The following SSBP2 variants were observed in gnomAD, a reference collection of about 807,000 sequenced individuals.
SSBP2 encodes single stranded DNA binding protein 2.
Under a neutral mutation model 61.8 loss-of-function variants are expected in SSBP2, and 17 were observed. The ratio of observed to expected loss-of-function variants is 0.28; its 90% CI spans 0.19 to 0.41. SSBP2 has a LOEUF of 0.41. SSBP2 is among the 10% of genes least tolerant of loss of function. The pLI is 1.00. For synonymous variants in SSBP2, 139 were observed against 141.3 expected (o/e 0.98, Z 0.12); for missense variants, 310 against 458.7 (o/e 0.68, Z 2.96).
intron 4 of SSBP2, among the ~76,000 whole-genome samples, chr5:81,609,516 A>T (rs1227077193): frequency 6.6e-6 from 1 of 152,218 alleles, no homozygotes; most frequent in African/African-American, 2.4e-5. Context: ...AGAAATTTTT[A>T]TAAATCTTTG....
chr5:81,689,908 G>A (rs1753082514), intron 1 of SSBP2, among the ~76,000 whole-genome samples: 1 of 152,020 alleles, frequency 6.6e-6, no homozygotes, highest in Non-Finnish European at 1.5e-5. Context: ...TCAAGATGTA[G>A]ACAGTACAAT....
At chr5:81,538,855 T>C (rs1035424437) in intron 4 of SSBP2, among the ~76,000 whole-genome samples, 1 of 152,216 alleles carries the variant, frequency 6.6e-6, no homozygotes, top group Non-Finnish European at 1.5e-5. Flanking sequence ...TCCTCTGCTG[T>C]TCATTGACAA....
At chr5:81,457,110 G>A (rs1764216006) in intron 10 of SSBP2, among the ~76,000 whole-genome samples, 1 of 152,136 alleles carries the variant, frequency 6.6e-6, no homozygotes, top group South Asian at 2.1e-4. Flanking sequence ...CCCAGTTAAA[G>A]AACCCCAAGC....
intron 2 of SSBP2, among the ~76,000 whole-genome samples, chr5:81,646,425 G>C (rs1296594861): frequency 6.6e-6 from 1 of 152,002 alleles, no homozygotes; most frequent in Non-Finnish European, 1.5e-5. Context: ...GAACTATTTT[G>C]ATTTAGGTAA....
chr5:81,513,406 T>C (rs1278433389), intron 5 of SSBP2, among the ~76,000 whole-genome samples: 1 of 152,062 alleles, frequency 6.6e-6, no homozygotes, highest in Non-Finnish European at 1.5e-5. Flanking sequence ...TCTTTCTTAA[T>C]TGAGCAACAA....
intron 1 of SSBP2, among the ~76,000 whole-genome samples, chr5:81,730,363 T>G (rs940316586): frequency 6.6e-6 from 1 of 152,190 alleles, no homozygotes; most frequent in Non-Finnish European, 1.5e-5. Flanking sequence ...TAGCTGGGAT[T>G]ACAGGCGCCC....
chr5:81,551,987 G>C (rs554726990), intron 4 of SSBP2, among the ~76,000 whole-genome samples: 2 of 152,104 alleles, frequency 1.3e-5, no homozygotes, highest in African/African-American at 4.8e-5. Flanking sequence ...ATCATAAAAG[G>C]TATCAGTGTA....
intron 4 of SSBP2, among the ~76,000 whole-genome samples, chr5:81,515,155 TACA>T (rs1055642123): frequency 6.6e-5 from 10 of 151,950 alleles, no homozygotes; most frequent in Non-Finnish European, 1.3e-4. Context: ...AAAATTTTAA[TACA>T]ACAATGTTAC....
At chr5:81,745,216 TCTAA>T (rs1757278723) in intron 1 of SSBP2, among the ~76,000 whole-genome samples, 1 of 152,192 alleles carries the variant, frequency 6.6e-6, no homozygotes, top group Non-Finnish European at 1.5e-5. Flanking sequence ...CTGCTATTTC[TCTAA>T]CTACTGAAAA....
chr5:81,478,769 C>T (rs1765769457), intron 6 of SSBP2, among the ~76,000 whole-genome samples: 3 of 152,142 alleles, frequency 2.0e-5, no homozygotes, highest in African/African-American at 7.2e-5. Context: ...CCATGCCTGG[C>T]CAGATTCTTG....
intron 15 of SSBP2, among the ~76,000 whole-genome samples, chr5:81,429,777 ATGAG>A (rs1226777661): frequency 6.6e-6 from 1 of 152,140 alleles, no homozygotes; most frequent in Non-Finnish European, 1.5e-5. Context: ...CATTTCATGA[ATGAG>A]TTATTCCCAG....
At chr5:81,505,178 A>T (rs1768086223) in intron 5 of SSBP2, among the ~76,000 whole-genome samples, 1 of 152,176 alleles carries the variant, frequency 6.6e-6, no homozygotes, top group Non-Finnish European at 1.5e-5. Flanking sequence ...AGTTTTACTG[A>T]AACACAGCCA....
At position 81,496,616 on chromosome 5, in the gene SSBP2, A is replaced by G. The variant is rs368655083; in HGVS notation, c.373-7307T>C. Among the ~76,000 whole-genome samples the G allele has an allele frequency of 2.0e-4, 30 of 152,314 alleles. No homozygotes were observed. The East Asian group carries it at 4.0e-3, about 21-fold the overall frequency. On this transcript the variant is annotated intron_variant, in intron 5 of 16. Transcript: ENST00000320672. ...CAAAATTGCTCACTTGAAGTTTTGC[A>G]AGTTCTGTGTTATACATATATAATA...
chr5:81,458,407 T>C (rs537613523), intron 10 of SSBP2, among the ~76,000 whole-genome samples: 7 of 152,192 alleles, frequency 4.6e-5, no homozygotes, highest in Non-Finnish European at 8.8e-5. Context: ...TTAAACAGTT[T>C]AAAAATACGT....
At chr5:81,635,250 G>T (rs1219643082) in intron 3 of SSBP2, among the ~76,000 whole-genome samples, 1 of 151,698 alleles carries the variant, frequency 6.6e-6, no homozygotes, top group African/African-American at 2.4e-5. Context: ...GATTAGTTCA[G>T]TATCTGTTGA....
At chr5:81,724,170 A>G (rs570524355) in intron 1 of SSBP2, among the ~76,000 whole-genome samples, 1 of 152,070 alleles carries the variant, frequency 6.6e-6, no homozygotes, top group Non-Finnish European at 1.5e-5. Context: ...AAGTGTGTTG[A>G]GGTATGCAAA....
At chr5:81,516,818 T>G (rs1215188258) in intron 4 of SSBP2, among the ~76,000 whole-genome samples, 1 of 152,066 alleles carries the variant, frequency 6.6e-6, no homozygotes, top group Non-Finnish European at 1.5e-5. Context: ...AATTAGAAAT[T>G]TATTTAGATG....
intron 4 of SSBP2, among the ~76,000 whole-genome samples, chr5:81,542,909 C>G (rs1293180401): frequency 6.6e-6 from 1 of 151,312 alleles, no homozygotes; most frequent in Non-Finnish European, 1.5e-5. Context: ...GGCTGGAGTG[C>G]ACTGGCACAA....
At position 81,420,328 on chromosome 5, in the gene SSBP2, C is replaced by G; in HGVS notation, c.*176G>C. On this transcript the variant is annotated 3_prime_UTR_variant, in exon 17 of 17. Coordinates refer to ENST00000320672, the MANE Select transcript of SSBP2 (RefSeq NM_012446.5). ...TGCCACTCCGTACAGTTGTTTGAAT[C>G]ACATTTGGACCCGCTTTCTTCACAA... The G allele has an allele frequency of 1.6e-6, 1 of 630,318 alleles. No individual in the cohort carries two copies. Among genetic ancestry groups the G allele is most frequent in the Non-Finnish European group, 2.8e-6 (1 of 353,586 alleles). 39.0% of individuals were successfully genotyped at this position (630,318 alleles called of 1,614,324 possible). A position where few individuals can be genotyped will look rare whatever the true frequency, so the allele number is the denominator to read the frequency against.
Sources: allele counts gnomAD v4.1 joint callset (sites outside exome capture counted in the v4.1 genomes callset), GRCh38; gene constraint gnomAD v4.1.1; transcripts MANE v1.5; gene names NCBI Gene and HGNC (gene_info 2026-07-23, HGNC 2026-07-21).